The following ROBO1 variants were observed in gnomAD, a reference collection of about 807,000 sequenced individuals.
ROBO1 encodes the protein roundabout guidance receptor 1.
ROBO1 carries 149 observed loss-of-function variants against 195.9 expected under a neutral mutation model. That is an observed-to-expected ratio of 0.76 (90% CI 0.67 to 0.87). The LOEUF is 0.87. Among genes scored for constraint, ROBO1 ranks in the 40% least tolerant of loss-of-function variants. The pLI, the probability that ROBO1 is intolerant of heterozygous loss-of-function variation, is 0.00. For missense variants in ROBO1, 1,933 were observed against 2,068.3 expected (o/e 0.93, Z 1.27); for synonymous variants, 816 against 733.2 (o/e 1.11, Z -1.82).
chr3:79,395,321 CAAAAA>C (rs71631647), intron 2 of ROBO1, among the ~76,000 whole-genome samples: 545 of 50,136 alleles, frequency 0.011, 3 homozygotes, highest in African/African-American at 0.03. Flanking sequence ...GACTCCGTCT[CAAAAA>C]AAAAAAAAAA....
intron 2 of ROBO1, among the ~76,000 whole-genome samples, chr3:79,552,582 C>T (rs893103621): frequency 6.6e-5 from 10 of 152,032 alleles, no homozygotes; most frequent in African/African-American, 9.7e-5. Flanking sequence ...TTCTAATGTG[C>T]GAAGTATAAC....
At chr3:78,973,236 G>T (rs2076808046) in intron 3 of ROBO1, among the ~76,000 whole-genome samples, 1 of 151,648 alleles carries the variant, frequency 6.6e-6, no homozygotes, top group African/African-American at 2.4e-5. Flanking sequence ...TGGAAAACTT[G>T]CTAGAAATTT....
intron 2 of ROBO1, among the ~76,000 whole-genome samples, chr3:79,485,676 A>T (rs1358490851): frequency 6.6e-6 from 1 of 152,146 alleles, no homozygotes; most frequent in Non-Finnish European, 1.5e-5. Flanking sequence ...CCCATTTTGC[A>T]GATACAGAAA....
At chr3:78,946,784 C>A (rs1386566882) in intron 3 of ROBO1, among the ~76,000 whole-genome samples, 2 of 152,046 alleles carry the variant, frequency 1.3e-5, no homozygotes, top group East Asian at 1.9e-4. Context: ...ACCCATCTCA[C>A]GTGCAGAGAC....
intron 21 of ROBO1, among the ~76,000 whole-genome samples, chr3:78,642,968 T>A (rs1468560258): frequency 2.6e-5 from 4 of 152,214 alleles, no homozygotes; most frequent in African/African-American, 9.6e-5. Context: ...ATTCATTTTT[T>A]TTTTACTTAT....
At chr3:78,814,606 T>C (rs2084843959) in intron 4 of ROBO1, among the ~76,000 whole-genome samples, 1 of 151,952 alleles carries the variant, frequency 6.6e-6, no homozygotes, top group African/African-American at 2.4e-5. Context: ...AAGATAAAAG[T>C]AAATTGCAGG....
chr3:79,420,749 C>A (rs1023142469), intron 2 of ROBO1, among the ~76,000 whole-genome samples: 3 of 152,090 alleles, frequency 2.0e-5, no homozygotes, highest in African/African-American at 7.2e-5. Context: ...TGCTGGTGAG[C>A]TTGCAGAGAA....
intron 3 of ROBO1, among the ~76,000 whole-genome samples, chr3:78,993,860 T>C (rs968368206): frequency 5.9e-5 from 9 of 152,136 alleles, no homozygotes; most frequent in African/African-American, 2.2e-4. Context: ...TAAGCCAAAA[T>C]GGTTTTTTTT....
At position 79,639,112 on chromosome 3, in the gene ROBO1, G is replaced by C. The variant is rs181386759; in HGVS notation, c.-50-49151C>G. 4.5e-4 allele frequency among the ~76,000 whole-genome samples: 68 copies of C among 152,218 alleles called. 1 individual carries two copies. Among genetic ancestry groups the C allele is most frequent in the Admixed American group, 2.3e-3 (35 of 15,292 alleles). On this transcript the variant is annotated intron_variant, in intron 1 of 30. Transcript: ENST00000464233. The stretch of plus-strand genomic sequence containing the variant: ...TCAAAATTTTAATTTCATTTGAAAC[G>C]ATAACCTTAATTTCTGATTGTATTA...
chr3:79,395,340 A>AAAAT (rs71631648), intron 2 of ROBO1, among the ~76,000 whole-genome samples: 1 of 119,082 alleles, frequency 8.4e-6, no homozygotes. Context: ...AAAAAAAAAA[A>AAAAT]AAAGAAAGAA....
chr3:78,854,996 A>T (rs1283886565), intron 4 of ROBO1, among the ~76,000 whole-genome samples: 1 of 152,196 alleles, frequency 6.6e-6, no homozygotes, highest in Non-Finnish European at 1.5e-5. Context: ...AAAAGAACAA[A>T]CAAAAGGAAG....
At chr3:79,766,971 T>A (rs1433126286) in intron 1 of ROBO1, among the ~76,000 whole-genome samples, 2 of 152,066 alleles carry the variant, frequency 1.3e-5, no homozygotes, top group Non-Finnish European at 2.9e-5. Context: ...TTCTTCCTCC[T>A]TCCCTCCCTC....
At chr3:79,343,153 C>G (rs1446052370) in intron 2 of ROBO1, among the ~76,000 whole-genome samples, 2 of 152,110 alleles carry the variant, frequency 1.3e-5, no homozygotes, top group Non-Finnish European at 2.9e-5. Context: ...ATTTAAGTTT[C>G]TTCCACGTCT....
At chr3:79,246,825 T>C (rs537951679) in intron 2 of ROBO1, among the ~76,000 whole-genome samples, 2 of 152,142 alleles carry the variant, frequency 1.3e-5, no homozygotes, top group African/African-American at 4.8e-5. Flanking sequence ...ATTAAACCAG[T>C]GAATCCATAG....
chr3:79,242,676 T>G (rs1199226538), intron 2 of ROBO1, among the ~76,000 whole-genome samples: 1 of 152,078 alleles, frequency 6.6e-6, no homozygotes, highest in Admixed American at 6.6e-5. Flanking sequence ...GATATAAACT[T>G]CAGTTTTTAA....
intron 2 of ROBO1, among the ~76,000 whole-genome samples, chr3:79,464,865 C>T (rs1326681265): frequency 1.3e-5 from 2 of 152,128 alleles, no homozygotes; most frequent in Non-Finnish European, 2.9e-5. Context: ...GGTGCAGGTA[C>T]TCTACACATG....
chr3:78,648,579 G>C (rs977052718), intron 19 of ROBO1, among the ~76,000 whole-genome samples: 1 of 151,790 alleles, frequency 6.6e-6, no homozygotes, highest in Non-Finnish European at 1.5e-5. Flanking sequence ...ATTCCTGGGG[G>C]GTTGGATAAC....
At chr3:79,503,185 G>GCGAGACTACGAACCCAC (rs1940203916) in intron 2 of ROBO1, among the ~76,000 whole-genome samples, 1 of 152,150 alleles carries the variant, frequency 6.6e-6, no homozygotes, top group African/African-American at 2.4e-5. Flanking sequence ...TCTGAAGCCA[G>GCGAGACTACGAACCCAC]CGAGACTACG....
chr3:79,754,430 A>G (rs970357567), intron 1 of ROBO1, among the ~76,000 whole-genome samples: 1 of 152,140 alleles, frequency 6.6e-6, no homozygotes, highest in South Asian at 2.1e-4. Context: ...GTTGAAGTGA[A>G]CTATAACTTG....
Sources: gnomAD v4.1 joint callset for allele counts (sites outside exome capture counted in the v4.1 genomes callset) on GRCh38, gnomAD v4.1.1 for gene constraint, MANE v1.5 for transcripts, NCBI Gene and HGNC (gene_info 2026-07-23, HGNC 2026-07-21) for gene names.